NAIP: variants seen among roughly 807,000 people sequenced by gnomAD.
NAIP encodes the protein NLR family apoptosis inhibitory protein.
NAIP carries 15 observed loss-of-function variants against 23.0 expected under a neutral mutation model. That is an observed-to-expected ratio of 0.65 (90% confidence interval 0.44 to 1.00). NAIP has a LOEUF of 1.00. Ranked by LOEUF, NAIP falls within the 50% of genes least tolerant of loss-of-function variation. NAIP has a pLI of 0.00. For missense variants in NAIP, 265 were observed against 278.8 expected (o/e 0.95, Z 0.35); for synonymous variants, 100 against 100.2 (o/e 1.00, Z 0.01).
chr5:71,010,587 A>C (rs1751104274), intron 5 of NAIP, among the ~76,000 whole-genome samples: 1 of 150,966 alleles, frequency 6.6e-6, no homozygotes, highest in South Asian at 2.1e-4. Context: ...ATTTTTGTAG[A>C]AACAGGGTCT....
At chr5:71,012,958 G>A in intron 3 of NAIP, 40 bp from the exon 4 acceptor site, 5 of 1,465,040 alleles carry the variant, frequency 3.4e-6, no homozygotes, top group Non-Finnish European at 4.6e-6. Context: ...CTTATAGTAA[G>A]ATTTTTCTTA....
At chr5:71,009,358 C>T (rs1751034367) in intron 5 of NAIP, among the ~76,000 whole-genome samples, 1 of 91,836 alleles carries the variant, frequency 1.1e-5, no homozygotes, top group African/African-American at 3.3e-5. Context: ...GCAAAACTCA[C>T]TCTCAAAAAA....
intron 3 of NAIP, among the ~76,000 whole-genome samples, chr5:71,014,483 C>T (rs1172730786): frequency 6.6e-6 from 1 of 151,644 alleles, no homozygotes; most frequent in East Asian, 1.9e-4. Flanking sequence ...ACCATTTATT[C>T]TAAGCCTTGC....
intron 5 of NAIP, 41 bp downstream of exon 5, chr5:71,011,234 A>C (rs1298154503): frequency 6.7e-7 from 1 of 1,503,396 alleles, no homozygotes; most frequent in Admixed American, 1.9e-5. Context: ...CTGTCTCAAA[A>C]AAAAAAGAAA....
At chr5:71,002,482 C>T (rs1750845798) in intron 6 of NAIP, among the ~76,000 whole-genome samples, 1 of 149,540 alleles carries the variant, frequency 6.7e-6, no homozygotes, top group South Asian at 2.1e-4. Flanking sequence ...GACCTTGGCT[C>T]ACTACAAGCT....
At chr5:70,979,605 T>G in intron 13 of NAIP, among the ~76,000 whole-genome samples, 1 of 109,768 alleles carries the variant, frequency 9.1e-6, no homozygotes, top group Admixed American at 9.5e-5. Flanking sequence ...ATAATAATAA[T>G]AATAATAGTA....
At chr5:71,008,063 CT>C (rs4065245) in intron 5 of NAIP, among the ~76,000 whole-genome samples, 2,228 of 67,314 alleles carry the variant, frequency 0.033, 25 homozygotes, top group African/African-American at 0.15. Context: ...TGTGCCCAGC[CT>C]TTTTTTTTTT....
chr5:70,977,717 G>A (rs1173618253), intron 13 of NAIP, among the ~76,000 whole-genome samples: 4 of 143,228 alleles, frequency 2.8e-5, no homozygotes, highest in African/African-American at 1.0e-4. Flanking sequence ...AAACAGCTGG[G>A]CATAGTGGCT....
Position 71,012,883 on chromosome 5 carries a change from C to A in NAIP, c.33G>T (p.Arg11Ser). 1.2e-6 allele frequency: 2 copies of A among 1,606,766 alleles called. No individual in the cohort carries two copies. Among genetic ancestry groups the A allele is most frequent in the Non-Finnish European group, 8.5e-7 (1 of 1,176,432 alleles). MATQQKASDE[R>S]ISQFDHNLLP... ...GCAAATTGTGATCAAACTGGGAGATCCTCTCGTCAGAGGCTTTCTGCTGGG... is the reference window on the plus strand; with the variant it reads ...GCAAATTGTGATCAAACTGGGAGATACTCTCGTCAGAGGCTTTCTGCTGGG... The change falls in exon 4 of 17, where the codon AGG becomes AGT. Residue 11 changes from arginine to serine, a missense_variant. Around this residue, in one of 2 missense-constraint regions of NAIP, gnomAD observed 261 missense variants for 259.2 expected, o/e 1.01. Coordinates refer to ENST00000517649, the MANE Select transcript of NAIP (RefSeq NM_004536.3).
chr5:71,015,111 T>A (rs1276385075), intron 3 of NAIP, among the ~76,000 whole-genome samples: 4 of 151,590 alleles, frequency 2.6e-5, no homozygotes, highest in Admixed American at 2.6e-4. Context: ...GTGTGGAGGC[T>A]CACACCTGTA....
In NAIP at chr5:71,010,189, C is replaced by A. The variant is rs550805371; in HGVS notation, c.668+1086G>T. Among the ~76,000 whole-genome samples the A allele has an allele frequency of 3.6e-3, 539 of 151,598 alleles. 21 individuals carry two copies. Among genetic ancestry groups the A allele is most frequent in the Non-Finnish European group, 6.6e-3 (448 of 67,776 alleles). On this transcript the variant is annotated intron_variant, in intron 5 of 16. Transcript: ENST00000517649. ...GTGGCTTGATCACGGCTCAATGCAGCCTTGACTACCTGGGCTCTAGCAATC... is the reference window on the plus strand; with the variant it reads ...GTGGCTTGATCACGGCTCAATGCAGACTTGACTACCTGGGCTCTAGCAATC...
At position 71,012,500 on chromosome 5, in the gene NAIP, T is replaced by G. The variant is rs1751207306; in HGVS notation, c.416A>C (p.Asp139Ala). The G allele has an allele frequency of 1.2e-6, 2 of 1,611,738 alleles. No homozygotes were observed. The highest frequency in any genetic ancestry group is 1.7e-6 in the Non-Finnish European group (2 of 1,178,462). The change falls in exon 4 of 17, where the codon GAC becomes GCC. Residue 139 changes from aspartate to alanine, a missense_variant. By Grantham distance (126) the Asp-to-Ala change is moderately radical. Coordinates refer to ENST00000517649, the MANE Select transcript of NAIP (RefSeq NM_004536.3). ...GCTCTTCAGATTCTTCACCCTTATG[T>G]CGTACTTGGCAATGTTACCAACATC... ...NKDVGNIAKY[D>A]IRVKNLKSRL...
intron 3 of NAIP, among the ~76,000 whole-genome samples, chr5:71,013,390 G>C (rs1751262820): frequency 6.6e-6 from 1 of 151,238 alleles, no homozygotes; most frequent in Non-Finnish European, 1.5e-5. Context: ...TGTAATCCCA[G>C]CACTTTGGGA....
In NAIP at chr5:71,011,352, ACACTGTACCGTGTCCTGTTTACCTAT is replaced by A; in HGVS notation, c.569-4_590del. On this transcript the variant is annotated splice_acceptor_variant and splice_polypyrimidine_tract_variant and coding_sequence_variant and intron_variant, in exon 5 of 17. Transcript: ENST00000517649. LOFTEE classifies it high-confidence loss of function. ...TTCCTAAACATCCACCACAGGAAAA[ACACTGTACCGTGTCCTGTTTACCTAT>A]ATATGAAGGAAAATATTTAGATTGC... is the stretch of plus-strand genomic sequence containing the variant. 6.2e-7 allele frequency: 1 copy of A among 1,605,420 alleles called. No individual in the cohort carries two copies.
intron 3 of NAIP, among the ~76,000 whole-genome samples, chr5:71,017,846 CTT>C (rs1173570781): frequency 9.8e-5 from 9 of 91,552 alleles, no homozygotes; most frequent in East Asian, 2.7e-4. Context: ...CAGCCCTTTC[CTT>C]TTTTTTTTTT....
At chr5:71,002,401 C>CTTTT (rs1157939944) in intron 6 of NAIP, among the ~76,000 whole-genome samples, 16 of 5,592 alleles carry the variant, frequency 2.9e-3, no homozygotes, top group South Asian at 8.8e-3. Context: ...TGTTGGAGGT[C>CTTTT]TTTTTTTTTT....
intron 4 of NAIP, 36 bp from the exon 5 acceptor site, chr5:71,011,410 G>A: frequency 6.7e-7 from 1 of 1,485,860 alleles, no homozygotes; most frequent in Non-Finnish European, 9.3e-7. Flanking sequence ...TTGCCTGGCA[G>A]TGGCACCAGG....
chr5:71,000,542 AATAATTATT>A (rs1398805610), intron 8 of NAIP, among the ~76,000 whole-genome samples: 26 of 121,250 alleles, frequency 2.1e-4, no homozygotes, highest in African/African-American at 9.7e-4. Flanking sequence ...TAATAATAAT[AATAATTATT>A]ATTATTATTA....
At chr5:70,979,677 T>C (rs1750480438) in intron 13 of NAIP, among the ~76,000 whole-genome samples, 192 bp downstream of exon 13, 1 of 120,144 alleles carries the variant, frequency 8.3e-6, no homozygotes, top group South Asian at 2.5e-4. Flanking sequence ...TACTTCCTAG[T>C]GTGTAGTAAA....
Sources: gnomAD v4.1 joint callset for allele counts (sites outside exome capture counted in the v4.1 genomes callset) on GRCh38, gnomAD v4.1.1 for gene constraint, gnomAD v4.1.1 regional missense constraint, MANE v1.5 for transcripts, NCBI Gene and HGNC (gene_info 2026-07-23, HGNC 2026-07-21) for gene names.